SLC25A25: variants seen among roughly 807,000 people sequenced by gnomAD.
The protein encoded by SLC25A25 is solute carrier family 25 member 25, also known as mitochondrial adenyl nucleotide antiporter SLC25A25.
A neutral mutation model predicts 57.7 loss-of-function variants in SLC25A25; 32 were observed. The ratio of observed to expected loss-of-function variants is 0.55; its 90% confidence interval spans 0.42 to 0.74. The LOEUF is 0.74. Ranked by LOEUF, SLC25A25 falls within the 30% of genes least tolerant of loss-of-function variation. The pLI, the probability that SLC25A25 is intolerant of heterozygous loss-of-function variation, is 0.00. For synonymous variants in SLC25A25, 306 were observed against 291.2 expected, an observed-to-expected ratio of 1.05 and a Z score of -0.52; for missense variants, 556 against 701.3, an observed-to-expected ratio of 0.79 and a Z score of 2.34.
chr9:128,071,654 TG>T (rs1832910905), intron 1 of SLC25A25, among the ~76,000 whole-genome samples: 1 of 151,480 alleles, frequency 6.6e-6, no homozygotes, highest in South Asian at 2.1e-4. Context: ...TCAGATGATC[TG>T]CCCGCCTTGG....
rs760327411 is a variant in SLC25A25 at position 128,106,194 on chromosome 9, C to T, written c.981C>T (p.His327=). 5.0e-6 allele frequency: 8 copies of T among 1,614,110 alleles called. No homozygotes were observed. The highest frequency in any genetic ancestry group is 2.7e-5 in the African/African-American group (2 of 74,960). ...GTGACCAGGAGACTCTGAGGATTCA[C>T]GAGAGGCTTGTGGCAGGGTCCTTGG... ...VGSDQETLRI[H]ERLVAGSLAG... The change falls in exon 8 of 11, where the codon CAC becomes CAT. Residue 327 remains histidine, a synonymous_variant. Transcript: ENST00000373069.
chr9:128,105,656 G>T, intron 6 of SLC25A25, 73 bp from the exon 7 acceptor site: 2 of 1,608,882 alleles, frequency 1.2e-6, no homozygotes, highest in Non-Finnish European at 1.7e-6. Flanking sequence ...CGGTTGGCCA[G>T]CAGAGGCTCT....
Position 128,103,913 on chromosome 9 carries a change from CTT to C in SLC25A25, c.783+76_783+77del, listed in dbSNP as rs1404902615. 4 of 1,431,358 alleles carry C rather than the reference CTT, an allele frequency of 2.8e-6. No homozygotes were observed. The highest frequency in any genetic ancestry group is 3.7e-6 in the Non-Finnish European group (4 of 1,085,452). 88.7% of individuals were successfully genotyped at this position (1,431,358 alleles called of 1,614,324 possible). A position where few individuals can be genotyped will look rare whatever the true frequency, so the allele number is the denominator to read the frequency against. On this transcript the variant is annotated intron_variant, in intron 6 of 10. Transcript: ENST00000373069. The surrounding 1 kb of genome is among the most constrained non-coding windows in gnomAD (Gnocchi z 6.7). ...GGGGATGCTGCTTGGCTAGTTTTCC[CTT>C]TCTCTGGCTGGTGCCTGCTTTGGGC...
At chr9:128,091,696 G>A (rs1038969856) in intron 1 of SLC25A25, 11 of 1,343,836 alleles carry the variant, frequency 8.2e-6, no homozygotes, top group Admixed American at 3.4e-5. Context: ...GGCCGGGCAC[G>A]ACAGCAGTGC....
intron 1 of SLC25A25, chr9:128,092,197 G>C (rs1186272522): frequency 7.2e-7 from 1 of 1,384,446 alleles, no homozygotes; most frequent in Non-Finnish European, 9.8e-7. Flanking sequence ...ACGTTAGTTC[G>C]GGGTTCAGGG....
rs1390774523 is a variant in SLC25A25 at position 128,109,110 on chromosome 9, T to C, written c.*1666T>C. ...AATGACCTGATGAGGAAATCTTCAA[T>C]AGGATGCAAAGATCAATGCAAAAAT... On this transcript the variant is annotated 3_prime_UTR_variant, in exon 11 of 11. Coordinates refer to ENST00000373069, the MANE Select transcript of SLC25A25 (RefSeq NM_001330988.2). 1 of 152,486 alleles carries C rather than the reference T, an allele frequency of 6.6e-6. No individual in the cohort carries two copies. Among genetic ancestry groups the C allele is most frequent in the Non-Finnish European group, 1.5e-5 (1 of 68,028 alleles). 9.4% of individuals were successfully genotyped at this position (152,486 alleles called of 1,614,324 possible).
rs557122574 is a variant in SLC25A25 at position 128,072,300 on chromosome 9, G to A, written c.261+3720G>A. ...AGGCTTTGCAGAACTAGCAGGAGCC[G>A]AAAGAGAACTGTGGGGCCCTTTGGG... On this transcript the variant is annotated intron_variant, in intron 1 of 10. Coordinates refer to ENST00000373069, the MANE Select transcript of SLC25A25 (RefSeq NM_001330988.2). 1.2e-4 allele frequency among the ~76,000 whole-genome samples: 18 copies of A among 152,326 alleles called. No homozygotes were observed. The South Asian group carries it at 3.1e-3, about 26-fold the overall frequency.
At position 128,107,655 on chromosome 9, in the gene SLC25A25, G is replaced by A; in HGVS notation, c.*211G>A. ...AGACCCTCCTGTTGGTTCCAGCGAA[G>A]ACCACAGGCATTCCTTAGGGTCCAG... is the stretch of plus-strand genomic sequence containing the variant. On this transcript the variant is annotated 3_prime_UTR_variant, in exon 11 of 11. Transcript: ENST00000373069. 2.1e-6 allele frequency: 1 copy of A among 485,092 alleles called. No individual in the cohort carries two copies. The highest frequency in any genetic ancestry group is 3.5e-6 in the Non-Finnish European group (1 of 286,530). 30.0% of individuals were successfully genotyped at this position (485,092 alleles called of 1,614,324 possible). A position where few individuals can be genotyped will look rare whatever the true frequency, so the allele number is the denominator to read the frequency against.
rs757458201 is a variant in SLC25A25, at chr9:128,106,239, C to T, written c.1026C>T (p.Ser342=). The T allele has an allele frequency of 2.5e-6, 4 of 1,614,028 alleles. No individual in the cohort carries two copies. Among genetic ancestry groups the T allele is most frequent in the Admixed American group, 3.3e-5 (2 of 60,010 alleles). Residue 342 remains serine, a synonymous_variant, in exon 8 of 11, where the codon AGC becomes AGT. Transcript: ENST00000373069. ...AGSLAGAIAQ[S]SIYPMEVLKT... ...CCTTGGCAGGGGCCATCGCCCAGAG[C>T]AGCATCTACCCAATGGAGGTGAGGG...
intron 1 of SLC25A25, chr9:128,098,324 T>G (rs1193506105): frequency 1.3e-5 from 7 of 531,910 alleles, no homozygotes; most frequent in Non-Finnish European, 2.1e-5. Flanking sequence ...AGCCCTGATC[T>G]TTGTGCCTCT....
rs1427540991 is a variant in SLC25A25 at position 128,095,950 on chromosome 9, C to T, written c.262-5146C>T. Among the ~76,000 whole-genome samples, 1 of 152,108 alleles carries T rather than the reference C, an allele frequency of 6.6e-6. No individual in the cohort carries two copies. The highest frequency in any genetic ancestry group is 6.6e-5 in the Admixed American group (1 of 15,262). ...GTGCCATAATTATTTTTAAAATATA[C>T]TTTAATAGAAAGTGAAATCTCCAAT... On this transcript the variant is annotated intron_variant, in intron 1 of 10. Transcript: ENST00000373069. The surrounding 1 kb of genome is among the most constrained non-coding windows in gnomAD (Gnocchi z 4.4).
At chr9:128,071,280 C>T (rs1305839837) in intron 1 of SLC25A25, among the ~76,000 whole-genome samples, 1 of 152,054 alleles carries the variant, frequency 6.6e-6, no homozygotes, top group Non-Finnish European at 1.5e-5. Flanking sequence ...AGAGCCTAGC[C>T]CCTTGGGGTC....
chr9:128,077,473 C>T (rs1588750058), intron 1 of SLC25A25, among the ~76,000 whole-genome samples: 1 of 143,314 alleles, frequency 7.0e-6, no homozygotes, highest in African/African-American at 2.7e-5. Context: ...GCCGAGATCG[C>T]GCCACTGCAC....
chr9:128,077,823 C>T (rs1173073210), intron 1 of SLC25A25, among the ~76,000 whole-genome samples: 4 of 151,832 alleles, frequency 2.6e-5, no homozygotes, highest in African/African-American at 4.8e-5. Flanking sequence ...GTCAGGAGTT[C>T]GAGACCAGCC....
chr9:128,107,296 G>T lies in SLC25A25; in HGVS notation c.1400G>T (p.Ser467Ile). Residue 467 changes from serine (S) to isoleucine (I), a missense_variant, in exon 11 of 11, where the codon AGC becomes ATC. Coordinates refer to ENST00000373069, the MANE Select transcript of SLC25A25 (RefSeq NM_001330988.2). ...GGCGCTCCGGAGGTGACCATGAGCA[G>T]CCTCTTCAAACATATCCTGCGGACC... Reference protein sequence around the residue: ...IEGAPEVTMSSLFKHILRTEG... With the variant: ...IEGAPEVTMSILFKHILRTEG... 6.3e-7 allele frequency: 1 copy of T among 1,578,352 alleles called. No homozygotes were observed. The highest frequency in any genetic ancestry group is 8.6e-7 in the Non-Finnish European group (1 of 1,157,236).
At chr9:128,076,457 TTTTTATTTTTA>T (rs1236926173) in intron 1 of SLC25A25, among the ~76,000 whole-genome samples, 4 of 133,320 alleles carry the variant, frequency 3.0e-5, no homozygotes, top group African/African-American at 1.5e-4. Flanking sequence ...TTTATTTTTA[TTTTTATTTTTA>T]TTTTTATTTT....
rs118142698 is a variant in SLC25A25, at chr9:128,102,023, G to C, written c.477-57G>C. 4 of 1,546,062 alleles carry C rather than the reference G, an allele frequency of 2.6e-6. No individual in the cohort carries two copies. Among genetic ancestry groups the C allele is most frequent in the Non-Finnish European group, 2.6e-6 (3 of 1,143,078 alleles). On this transcript the variant is annotated intron_variant, in intron 3 of 10. Transcript: ENST00000373069. This position sits in a 1 kb window ranked among gnomAD's most constrained non-coding sequence, Gnocchi z 4.1. Reference sequence around the variant, plus strand: ...GTGCTTGCTTCACTAACATGGCTCCGAGCACTTATGCGTGTTGTTTCTGCT... The same window carrying C: ...GTGCTTGCTTCACTAACATGGCTCCCAGCACTTATGCGTGTTGTTTCTGCT...
In SLC25A25 at chr9:128,095,753, T is replaced by C. The variant is rs1291930695; in HGVS notation, c.262-5343T>C. On this transcript the variant is annotated intron_variant, in intron 1 of 10. Transcript: ENST00000373069. This position sits in a 1 kb window ranked among gnomAD's most constrained non-coding sequence, Gnocchi z 4.4. ...TGAACCCAGGAGGTGGAGGTTGTAG[T>C]GAGCCAAGATCGCGCCACTGCACTC... is the stretch of plus-strand genomic sequence containing the variant. 6.6e-6 allele frequency among the ~76,000 whole-genome samples: 1 copy of C among 152,140 alleles called. No individual in the cohort carries two copies. The highest frequency in any genetic ancestry group is 1.5e-5 in the Non-Finnish European group (1 of 68,026).
chr9:128,072,693 G>C (rs370789166), intron 1 of SLC25A25, among the ~76,000 whole-genome samples: 1 of 151,578 alleles, frequency 6.6e-6, no homozygotes, highest in South Asian at 2.1e-4. Context: ...AGCTTGTTCT[G>C]GGACAAAAAA....
Sources: allele counts gnomAD v4.1 joint callset (sites outside exome capture counted in the v4.1 genomes callset), GRCh38; gene constraint gnomAD v4.1.1; non-coding constraint Gnocchi (gnomAD v3.1); transcripts MANE v1.5; gene names NCBI Gene and HGNC (gene_info 2026-07-23, HGNC 2026-07-21).